The following DNM3 variants were observed in gnomAD, a reference collection of about 807,000 sequenced individuals.
DNM3 encodes dynamin 3.
A neutral mutation model predicts 101.6 loss-of-function variants in DNM3; 47 were observed. The ratio of observed to expected loss-of-function variants is 0.46; its 90% CI spans 0.37 to 0.59. The LOEUF is 0.59. DNM3 is among the 20% of genes least tolerant of loss of function. DNM3 has a pLI of 0.00. For synonymous variants in DNM3, 385 were observed against 387.9 expected, an observed-to-expected ratio of 0.99 and a Z score of 0.09; for missense variants, 849 against 1,085.7, an observed-to-expected ratio of 0.78 and a Z score of 3.06.
chr1:172,082,696 TA>T (rs922405707), intron 12 of DNM3, among the ~76,000 whole-genome samples: 4 of 152,034 alleles, frequency 2.6e-5, no homozygotes, highest in Non-Finnish European at 5.9e-5. Context: ...CAGAGACAAA[TA>T]AAAAAATGAC....
At chr1:172,415,727 A>C (rs2071406450), downstream of DNM3, among the ~76,000 whole-genome samples, 1 of 151,756 alleles carries the variant, frequency 6.6e-6, no homozygotes, top group African/African-American at 2.4e-5. Flanking sequence ...ACGGCATTTC[A>C]CCACATTGGC....
intron 14 of DNM3, among the ~76,000 whole-genome samples, chr1:172,217,140 T>C (rs892290553): frequency 3.9e-5 from 6 of 152,118 alleles, no homozygotes; most frequent in Admixed American, 2.6e-4. Flanking sequence ...ATGAGCCACA[T>C]AGTGGCATTT....
chr1:171,880,428 C>CT (rs2036165102), intron 1 of DNM3, among the ~76,000 whole-genome samples: 1 of 152,078 alleles, frequency 6.6e-6, no homozygotes, highest in African/African-American at 2.4e-5. Context: ...TGAAATTAAG[C>CT]TTTTTTCCAC....
chr1:172,347,949 GA>G (rs1389101147), intron 17 of DNM3, among the ~76,000 whole-genome samples: 1 of 151,902 alleles, frequency 6.6e-6, no homozygotes, highest in Non-Finnish European at 1.5e-5. Context: ...ATAGGTAAAA[GA>G]AAATTATATA....
At chr1:172,021,066 T>G (rs1282543085) in intron 4 of DNM3, among the ~76,000 whole-genome samples, 1 of 152,242 alleles carries the variant, frequency 6.6e-6, no homozygotes, top group Admixed American at 6.5e-5. Context: ...CTGACAGATC[T>G]AAGAAGGGTT....
chr1:171,917,491 G>A (rs1382979585), intron 1 of DNM3, among the ~76,000 whole-genome samples: 1 of 152,188 alleles, frequency 6.6e-6, no homozygotes, highest in Non-Finnish European at 1.5e-5. Flanking sequence ...AGCCATGAAA[G>A]AGCATTAACT....
chr1:171,914,140 T>A (rs571791416), intron 1 of DNM3, among the ~76,000 whole-genome samples: 2 of 152,208 alleles, frequency 1.3e-5, no homozygotes, highest in African/African-American at 4.8e-5. Flanking sequence ...GAGATTTCTC[T>A]GTTTTTTGGT....
chr1:171,871,983 C>T (rs2035338705), intron 1 of DNM3, among the ~76,000 whole-genome samples: 2 of 149,418 alleles, frequency 1.3e-5, no homozygotes, highest in African/African-American at 2.5e-5. Context: ...TGCTAAGCCT[C>T]TACCGACTGC....
chr1:172,330,355 T>C (rs1232597989), intron 17 of DNM3, among the ~76,000 whole-genome samples: 1 of 152,066 alleles, frequency 6.6e-6, no homozygotes, highest in Non-Finnish European at 1.5e-5. Context: ...TCATGATAAA[T>C]TAACAAAACA....
rs2071086979 is a variant in DNM3, at chr1:172,409,387, A to C, written c.*1546A>C. On this transcript the variant is annotated 3_prime_UTR_variant, in exon 21 of 21. Transcript: ENST00000627582. Reference sequence around the variant, plus strand: ...ATAAAGTATAAAGTAAAAACTTTTAACCATTATTAAACAGAGAACTTGCCA... The same window carrying C: ...ATAAAGTATAAAGTAAAAACTTTTACCCATTATTAAACAGAGAACTTGCCA... The C allele has an allele frequency of 1.0e-6, 1 of 985,032 alleles. No homozygotes were observed. The highest frequency in any genetic ancestry group is 1.2e-6 in the Non-Finnish European group (1 of 829,674). The allele number at this position is 985,032 out of a possible 1,614,324, so 61.0% of individuals were successfully genotyped here.
chr1:172,365,218 GTTC>G (rs1488409288), intron 17 of DNM3, among the ~76,000 whole-genome samples: 1 of 151,714 alleles, frequency 6.6e-6, no homozygotes, highest in African/African-American at 2.4e-5. Context: ...TTTTCTAAGG[GTTC>G]TTATCTTTTA....
chr1:171,887,159 G>A (rs973743477), intron 1 of DNM3, among the ~76,000 whole-genome samples: 6 of 152,146 alleles, frequency 3.9e-5, no homozygotes, highest in South Asian at 4.1e-4. Flanking sequence ...CTTCAGGCTT[G>A]TAGAAGTCTT....
intron 4 of DNM3, among the ~76,000 whole-genome samples, chr1:172,021,490 A>G (rs1166852621): frequency 1.3e-5 from 2 of 152,188 alleles, no homozygotes. Context: ...CAACAGCAAA[A>G]TAAAAAAGGA....
intron 14 of DNM3, among the ~76,000 whole-genome samples, chr1:172,226,636 A>G (rs1215389819): frequency 1.3e-5 from 2 of 152,156 alleles, no homozygotes; most frequent in Non-Finnish European, 2.9e-5. Context: ...CTACTTCATA[A>G]CATTATTGGA....
chr1:172,406,437 A>AG, intron 20 of DNM3, among the ~76,000 whole-genome samples: 1 of 152,016 alleles, frequency 6.6e-6, no homozygotes, highest in Non-Finnish European at 1.5e-5. Context: ...AATGAAAATA[A>AG]GGCTGGGTAC....
intron 2 of DNM3, among the ~76,000 whole-genome samples, chr1:171,976,488 T>C (rs140544304): frequency 4.3e-4 from 66 of 152,300 alleles, no homozygotes; most frequent in African/African-American, 1.4e-3. Flanking sequence ...GTGAGACTTA[T>C]TCACTATCAT....
chr1:172,007,409 C>T (rs1373483579), intron 4 of DNM3, among the ~76,000 whole-genome samples: 6 of 152,106 alleles, frequency 3.9e-5, no homozygotes, highest in Admixed American at 6.6e-5. Context: ...CATCAGTTCA[C>T]GTCCTTATAG....
intron 1 of DNM3, among the ~76,000 whole-genome samples, chr1:171,877,541 C>T (rs1252830639): frequency 6.6e-6 from 1 of 152,198 alleles, no homozygotes; most frequent in Non-Finnish European, 1.5e-5. Context: ...TTTCTATTTC[C>T]ATCCTCAATG....
intron 14 of DNM3, among the ~76,000 whole-genome samples, chr1:172,167,381 C>A (rs375997846): frequency 2.1e-4 from 32 of 152,008 alleles, no homozygotes; most frequent in African/African-American, 7.7e-4. Flanking sequence ...CATAAACATA[C>A]GTGTGCATGT....
Sources: gnomAD v4.1 joint callset for allele counts (sites outside exome capture counted in the v4.1 genomes callset) on GRCh38, gnomAD v4.1.1 for gene constraint, MANE v1.5 for transcripts, NCBI Gene and HGNC (gene_info 2026-07-23, HGNC 2026-07-21) for gene names.